Variants in CREB5 observed in about 807,000 individuals in gnomAD.
The protein encoded by CREB5 is cyclic AMP-responsive element-binding protein 5.
CREB5 carries 19 observed loss-of-function variants against 57.1 expected under a neutral mutation model. That is an observed-to-expected ratio of 0.33 (90% CI 0.23 to 0.49). The LOEUF (loss-of-function observed/expected upper bound fraction) is 0.49, where lower values mean the gene tolerates loss of function less well. CREB5 is among the 20% of genes least tolerant of loss of function. The pLI, the probability that CREB5 is intolerant of heterozygous loss-of-function variation, is 0.99. For missense variants in CREB5, 579 were observed against 671.6 expected (o/e 0.86, Z 1.52); for synonymous variants, 238 against 238.3 (o/e 1.00, Z 0.01).
At chr7:28,593,949 A>T (rs558444556) in intron 5 of CREB5, among the ~76,000 whole-genome samples, 1 of 152,358 alleles carries the variant, frequency 6.6e-6, no homozygotes, top group African/African-American at 2.4e-5. Context: ...GCAGGGAGCC[A>T]AGTAACCACT....
chr7:28,495,728 C>T (rs1421883878), intron 3 of CREB5, among the ~76,000 whole-genome samples: 1 of 152,138 alleles, frequency 6.6e-6, no homozygotes, highest in Non-Finnish European at 1.5e-5. Flanking sequence ...CTATGACATA[C>T]ATCAGATGAG....
At chr7:28,334,283 G>A (rs896721854) in intron 1 of CREB5, among the ~76,000 whole-genome samples, 2 of 152,078 alleles carry the variant, frequency 1.3e-5, no homozygotes, top group African/African-American at 4.8e-5. Flanking sequence ...AGCCTCCTGA[G>A]TAGCTGGGAT....
chr7:28,373,904 C>CATATATAT (rs10585117), intron 1 of CREB5, among the ~76,000 whole-genome samples: 20,535 of 145,920 alleles, frequency 0.14, 1,727 homozygotes, highest in Non-Finnish European at 0.2. Flanking sequence ...TTTCTGCATC[C>CATATATAT]ATATATATAT....
In CREB5 at chr7:28,515,872, A is replaced by T. The variant is rs1178029867; in HGVS notation, c.291+8135A>T. 1.3e-3 allele frequency among the ~76,000 whole-genome samples: 43 copies of T among 32,146 alleles called. 1 individual carries two copies. The highest frequency in any genetic ancestry group is 4.6e-4 in the Non-Finnish European group (7 of 15,330). The allele number at this position is 32,146 out of a possible 152,430, so 21.1% of individuals were successfully genotyped here. A position where few individuals can be genotyped will look rare whatever the true frequency, so the allele number is the denominator to read the frequency against. ...ATTATTGTAAAATTGAATGCATTTA[A>T]AAAAAAACAAAAACTAACAGAAATG... On this transcript the variant is annotated intron_variant, in intron 4 of 10. Transcript: ENST00000357727.
At chr7:28,781,147 A>G (rs1806948611) in intron 7 of CREB5, among the ~76,000 whole-genome samples, 1 of 152,204 alleles carries the variant, frequency 6.6e-6, no homozygotes. Flanking sequence ...TCTCTGAGCA[A>G]CAGACACTCT....
At position 28,692,846 on chromosome 7, in the gene CREB5, A is replaced by G. The variant is rs1459254119; in HGVS notation, c.465-25907A>G. Among the ~76,000 whole-genome samples the G allele has an allele frequency of 2.6e-5, 4 of 152,342 alleles. No individual in the cohort carries two copies. The South Asian group carries it at 8.3e-4, about 32-fold the overall frequency. On this transcript the variant is annotated intron_variant, in intron 5 of 10. Transcript: ENST00000357727. Reference sequence around the variant, plus strand: ...TGGGTTACAACAAGAGTAATTTCTTAAAGACTTACACACCTTTGAAAACTG... The same window carrying G: ...TGGGTTACAACAAGAGTAATTTCTTGAAGACTTACACACCTTTGAAAACTG...
At chr7:28,675,605 A>G (rs1800281021) in intron 5 of CREB5, among the ~76,000 whole-genome samples, 1 of 152,238 alleles carries the variant, frequency 6.6e-6, no homozygotes, top group Non-Finnish European at 1.5e-5. Context: ...TGGCCAGGCC[A>G]GGAGGGATCA....
intron 5 of CREB5, among the ~76,000 whole-genome samples, chr7:28,620,760 C>A (rs79817217): frequency 0.059 from 8,952 of 152,170 alleles, 341 homozygotes; most frequent in South Asian, 0.1. Context: ...ATCTAGTCAA[C>A]CACTTCAGAG....
intron 3 of CREB5, among the ~76,000 whole-genome samples, chr7:28,495,715 C>A (rs1792012082): frequency 6.6e-6 from 1 of 152,118 alleles, no homozygotes; most frequent in South Asian, 2.1e-4. Flanking sequence ...AATAAAGGAT[C>A]ATCTATGACA....
At chr7:28,781,940 T>G (rs996649558) in intron 7 of CREB5, among the ~76,000 whole-genome samples, 12 of 152,086 alleles carry the variant, frequency 7.9e-5, no homozygotes, top group African/African-American at 1.7e-4. Flanking sequence ...TGTGTGTTTT[T>G]TTTTTTTTGA....
intron 7 of CREB5, among the ~76,000 whole-genome samples, chr7:28,773,290 T>C (rs1806437368): frequency 6.6e-6 from 1 of 152,180 alleles, no homozygotes; most frequent in Non-Finnish European, 1.5e-5. Flanking sequence ...ATATAACATA[T>C]ATTTACCCTT....
At chr7:28,646,510 A>G (rs1205480916) in intron 5 of CREB5, among the ~76,000 whole-genome samples, 1 of 152,206 alleles carries the variant, frequency 6.6e-6, no homozygotes, top group African/African-American at 2.4e-5. Flanking sequence ...CCATCTCTGC[A>G]CTGACTATGT....
intron 4 of CREB5, among the ~76,000 whole-genome samples, chr7:28,563,293 C>G (rs1008510166): frequency 6.6e-6 from 1 of 152,160 alleles, no homozygotes; most frequent in Non-Finnish European, 1.5e-5. Context: ...TGTGCTGGGA[C>G]ATCCGTCATC....
intron 1 of CREB5, among the ~76,000 whole-genome samples, chr7:28,351,800 A>G (rs903568129): frequency 6.6e-6 from 1 of 152,196 alleles, no homozygotes; most frequent in Non-Finnish European, 1.5e-5. Context: ...TTAGGTATTC[A>G]AGAAAGTTAT....
intron 4 of CREB5, among the ~76,000 whole-genome samples, chr7:28,532,826 A>T (rs1222852125): frequency 6.6e-6 from 1 of 152,220 alleles, no homozygotes; most frequent in Admixed American, 6.5e-5. Context: ...GGAAGTTACT[A>T]TACCTCTCAC....
intron 1 of CREB5, among the ~76,000 whole-genome samples, chr7:28,343,085 T>A (rs1173401917): frequency 6.6e-6 from 1 of 151,912 alleles, no homozygotes; most frequent in Non-Finnish European, 1.5e-5. Context: ...GGACTACAGG[T>A]ACCCGCCACC....
At chr7:28,737,539 GTATATATATATA>G (rs59294932) in intron 7 of CREB5, among the ~76,000 whole-genome samples, 1,050 of 26,572 alleles carry the variant, frequency 0.04, 21 homozygotes, top group Admixed American at 0.088. Flanking sequence ...ATATATATAC[GTATATATATATA>G]TATATATATA....
intron 7 of CREB5, among the ~76,000 whole-genome samples, chr7:28,793,154 T>G (rs1401367102): frequency 6.6e-6 from 1 of 151,950 alleles, no homozygotes; most frequent in South Asian, 2.1e-4. Context: ...CGGTGGTGAG[T>G]ACTGGGAGCC....
chr7:28,691,904 C>G (rs1247530479), intron 5 of CREB5, among the ~76,000 whole-genome samples: 3 of 150,130 alleles, frequency 2.0e-5, no homozygotes, highest in Non-Finnish European at 4.4e-5. Flanking sequence ...CGTGGTGGCT[C>G]ACACCTGTAA....
Sources: gnomAD v4.1 joint callset for allele counts (sites outside exome capture counted in the v4.1 genomes callset) on GRCh38, gnomAD v4.1.1 for gene constraint, MANE v1.5 for transcripts, NCBI Gene and HGNC (gene_info 2026-07-23, HGNC 2026-07-21) for gene names.